The following RAP1A variants were observed in gnomAD, a reference collection of about 807,000 sequenced individuals.
RAP1A encodes the protein ras-related protein Rap-1A.
Under a neutral mutation model 26.4 loss-of-function variants are expected in RAP1A, and 6 were observed. That is an observed-to-expected ratio of 0.23 (90% confidence interval 0.12 to 0.45). The LOEUF (loss-of-function observed/expected upper bound fraction) is 0.45. Ranked by LOEUF, RAP1A falls within the 20% of genes least tolerant of loss-of-function variation. The pLI, the probability that RAP1A is intolerant of heterozygous loss-of-function variation, is 0.99. For synonymous variants in RAP1A, 73 were observed against 79.4 expected, an observed-to-expected ratio of 0.92 and a Z score of 0.43; for missense variants, 121 against 217.2, an observed-to-expected ratio of 0.56 and a Z score of 2.78.
At chr1:111,672,984 C>T (rs1370608305) in intron 1 of RAP1A, among the ~76,000 whole-genome samples, 1 of 152,102 alleles carries the variant, frequency 6.6e-6, no homozygotes, top group Non-Finnish European at 1.5e-5. Flanking sequence ...TTCTACATTC[C>T]CATCAGATAG....
chr1:111,595,805 G>GT lies in RAP1A; in HGVS notation c.-28+53304dup, dbSNP rs199826608. Among the ~76,000 whole-genome samples the GT allele has an allele frequency of 2.1e-3, 315 of 151,934 alleles. 3 individuals carry two copies. The highest frequency in any genetic ancestry group is 7.3e-3 in the African/African-American group (303 of 41,420). On this transcript the variant is annotated intron_variant, in intron 1 of 7. Coordinates refer to the RAP1A transcript ENST00000356415. ...TCATTAAATATTTCATGTAAATGCTGTTTTTTTTCAAGGGCAAGTCCTGTT... is the reference window on the plus strand; with the variant it reads ...TCATTAAATATTTCATGTAAATGCTGTTTTTTTTTCAAGGGCAAGTCCTGTT...
intron 1 of RAP1A, among the ~76,000 whole-genome samples, chr1:111,637,144 T>C (rs1349674522): frequency 6.6e-6 from 1 of 152,202 alleles, no homozygotes; most frequent in Non-Finnish European, 1.5e-5. Context: ...TTTTAAAAAA[T>C]GGTTTGTATT....
chr1:111,572,315 A>G (rs1162256704), intron 1 of RAP1A, among the ~76,000 whole-genome samples: 1 of 152,248 alleles, frequency 6.6e-6, no homozygotes, highest in Non-Finnish European at 1.5e-5. Context: ...ACAGCTTCCT[A>G]CCATTCAAGT....
intron 1 of RAP1A, among the ~76,000 whole-genome samples, chr1:111,573,741 G>C (rs1029702167): frequency 1.3e-5 from 2 of 152,084 alleles, no homozygotes; most frequent in Non-Finnish European, 2.9e-5. Context: ...TTATATGCTT[G>C]TTGGCCACAT....
intron 1 of RAP1A, among the ~76,000 whole-genome samples, chr1:111,596,222 G>T (rs142217731): frequency 4.9e-4 from 75 of 152,114 alleles, no homozygotes; most frequent in African/African-American, 1.6e-3. Context: ...ATTCTTTTGA[G>T]GATCCCTTTA....
At chr1:111,669,417 A>T (rs1465827693) in intron 1 of RAP1A, among the ~76,000 whole-genome samples, 13 of 152,216 alleles carry the variant, frequency 8.5e-5, no homozygotes. Flanking sequence ...AGGAAAGGGG[A>T]TATGCCGTTT....
At chr1:111,647,660 A>G (rs942103544) in intron 1 of RAP1A, among the ~76,000 whole-genome samples, 1 of 151,902 alleles carries the variant, frequency 6.6e-6, no homozygotes, top group Non-Finnish European at 1.5e-5. Flanking sequence ...TAATGTTTCA[A>G]TTGTTTGCTT....
chr1:111,674,912 T>G (rs1164291118), intron 1 of RAP1A, among the ~76,000 whole-genome samples: 1 of 152,220 alleles, frequency 6.6e-6, no homozygotes. Context: ...CAGTCCATCT[T>G]GCATACTGTC....
At chr1:111,646,381 T>C (rs555206216) in intron 1 of RAP1A, among the ~76,000 whole-genome samples, 34 of 149,132 alleles carry the variant, frequency 2.3e-4, no homozygotes, top group Non-Finnish European at 4.3e-4. Flanking sequence ...AGAGACAGGG[T>C]GTGTCTGTCT....
At chr1:111,614,049 A>G (rs1385528833) in intron 1 of RAP1A, among the ~76,000 whole-genome samples, 1 of 152,250 alleles carries the variant, frequency 6.6e-6, no homozygotes. Flanking sequence ...TGAATAAAGC[A>G]AATCAAGTAC....
chr1:111,610,431 A>G (rs561974648), intron 1 of RAP1A, among the ~76,000 whole-genome samples: 1 of 152,268 alleles, frequency 6.6e-6, no homozygotes, highest in South Asian at 2.1e-4. Flanking sequence ...TAGTAGTTTT[A>G]TACACAAAGT....
intron 1 of RAP1A, among the ~76,000 whole-genome samples, chr1:111,603,490 A>G (rs1658709328): frequency 6.6e-6 from 1 of 152,252 alleles, no homozygotes; most frequent in Non-Finnish European, 1.5e-5. Flanking sequence ...AGCTGAAGCC[A>G]TTGGTAGGAT....
intron 2 of RAP1A, among the ~76,000 whole-genome samples, chr1:111,692,528 G>A (rs1466824222): frequency 6.6e-6 from 1 of 152,106 alleles, no homozygotes; most frequent in African/African-American, 2.4e-5. Flanking sequence ...CCACATATAA[G>A]TTCACATGTG....
intron 1 of RAP1A, among the ~76,000 whole-genome samples, chr1:111,594,571 A>G (rs9660790): frequency 0.033 from 4,689 of 143,050 alleles, 151 homozygotes; most frequent in East Asian, 0.079. Context: ...GAGGGAGGGA[A>G]GGAAGGAAGG....
chr1:111,612,869 A>G (rs960992255), intron 1 of RAP1A, among the ~76,000 whole-genome samples: 13 of 152,236 alleles, frequency 8.5e-5, no homozygotes, highest in Non-Finnish European at 1.9e-4. Flanking sequence ...ACATTTTGTC[A>G]GTATGTGCCA....
chr1:111,610,635 T>C lies in RAP1A; in HGVS notation c.-28+68126T>C, dbSNP rs541583627. ...ATGGAGTTCTTCCTTGAATTCCCCTTAGGTTGTATCATTGTTTGGAAGTTA... is the reference window on the plus strand; with the variant it reads ...ATGGAGTTCTTCCTTGAATTCCCCTCAGGTTGTATCATTGTTTGGAAGTTA... On this transcript the variant is annotated intron_variant, in intron 1 of 7. Coordinates refer to the RAP1A transcript ENST00000356415. Among the ~76,000 whole-genome samples, 16 of 151,792 alleles carry C rather than the reference T, an allele frequency of 1.1e-4. 1 individual carries two copies. The South Asian group carries it at 3.3e-3, about 32-fold the overall frequency.
chr1:111,556,044 C>G (rs1249518128), intron 1 of RAP1A, among the ~76,000 whole-genome samples: 2 of 152,170 alleles, frequency 1.3e-5, no homozygotes, highest in Non-Finnish European at 2.9e-5. Context: ...ATAAAACGCA[C>G]AAGAAACTCC....
intron 1 of RAP1A, among the ~76,000 whole-genome samples, chr1:111,561,987 T>TA (rs1557850933): frequency 6.6e-6 from 1 of 152,078 alleles, no homozygotes. Context: ...AATTTCTGCT[T>TA]ACGATAGAAT....
intron 1 of RAP1A, among the ~76,000 whole-genome samples, chr1:111,670,244 G>A (rs74447374): frequency 0.044 from 6,670 of 152,086 alleles, 304 homozygotes; most frequent in African/African-American, 0.11. Flanking sequence ...GGCCAAGGTG[G>A]GCAGATAGCT....
Sources: allele counts gnomAD v4.1 joint callset (sites outside exome capture counted in the v4.1 genomes callset), GRCh38; gene constraint gnomAD v4.1.1; transcripts MANE v1.5; gene names NCBI Gene and HGNC (gene_info 2026-07-23, HGNC 2026-07-21).